Variants in TMPRSS3 observed in about 807,000 individuals in gnomAD.
TMPRSS3 encodes transmembrane serine protease 3, also known as transmembrane protease serine 3.
In TMPRSS3, 55 loss-of-function variants were observed where a neutral mutation model predicts 59.6. That is an observed-to-expected ratio of 0.92 (90% CI 0.74 to 1.16). The LOEUF (loss-of-function observed/expected upper bound fraction) is 1.16, where lower values mean the gene tolerates loss of function less well. Among genes scored for constraint, TMPRSS3 ranks in the 50% most tolerant of loss-of-function variants. TMPRSS3 has a pLI of 0.00. For missense variants in TMPRSS3, 596 were observed against 579.4 expected, an observed-to-expected ratio of 1.03 and a Z score of -0.29; for synonymous variants, 257 against 237.7, an observed-to-expected ratio of 1.08 and a Z score of -0.75.
chr21:42,379,789 G>A (rs1035361022), intron 10 of TMPRSS3, among the ~76,000 whole-genome samples: 1 of 152,150 alleles, frequency 6.6e-6, no homozygotes, highest in Non-Finnish European at 1.5e-5. Flanking sequence ...AATGAAGCCT[G>A]GGAGGGTTGT....
Position 42,386,853 on chromosome 21 carries a change from T to C in TMPRSS3, c.447-1319A>G, listed in dbSNP as rs151274285. ...ATAGGATGTAGTAGAGCAGAGAAGA[T>C]TAAAGAAGGATTTTAAGGAGAATTT... is the stretch of plus-strand genomic sequence containing the variant. On this transcript the variant is annotated intron_variant, in intron 5 of 12. Coordinates refer to ENST00000644384, the MANE Select transcript of TMPRSS3 (RefSeq NM_001256317.3). Among the ~76,000 whole-genome samples the C allele has an allele frequency of 3.8e-3, 582 of 152,100 alleles. 4 individuals carry two copies. The highest frequency in any genetic ancestry group is 0.013 in the African/African-American group (540 of 41,466).
intron 12 of TMPRSS3, among the ~76,000 whole-genome samples, chr21:42,373,434 G>A (rs948996963): frequency 1.2e-4 from 19 of 152,172 alleles, no homozygotes; most frequent in Non-Finnish European, 7.3e-5. Flanking sequence ...CGGAGCCAGC[G>A]TCACAGACGA....
chr21:42,381,385 A>G (rs2052525388), intron 9 of TMPRSS3, among the ~76,000 whole-genome samples: 1 of 152,184 alleles, frequency 6.6e-6, no homozygotes, highest in Non-Finnish European at 1.5e-5. Flanking sequence ...AAGAAATGAG[A>G]GGACTCCACC....
In TMPRSS3 at chr21:42,390,004, A is replaced by G; in HGVS notation, c.128T>C (p.Leu43Pro). Residue 43 changes from leucine to proline, a missense_variant, in exon 3 of 13, where the codon CTG becomes CCG. Transcript: ENST00000644384. Reference sequence around the variant, plus strand: ...GATTGGAAAAAACTTCAATGGCAGCAGTGACAGGATCTGTGCAGCAACAGC... The same window carrying G: ...GATTGGAAAAAACTTCAATGGCAGCGGTGACAGGATCTGTGCAGCAACAGC... The part of the protein sequence containing the change: ...ADAVAAQILS[L>P]LPLKFFPIIV... 1 of 1,614,230 alleles carries G rather than the reference A, an allele frequency of 6.2e-7. No individual in the cohort carries two copies. Among genetic ancestry groups the G allele is most frequent in the East Asian group, 2.2e-5 (1 of 44,892 alleles).
intron 9 of TMPRSS3, among the ~76,000 whole-genome samples, chr21:42,380,832 G>T (rs2146432006): frequency 6.6e-6 from 1 of 152,368 alleles, no homozygotes; most frequent in South Asian, 2.1e-4. Context: ...ACACCCTGAG[G>T]TTCCCCGAGC....
At chr21:42,380,255 G>A in intron 9 of TMPRSS3, 43 bp from the exon 10 acceptor site, 5 of 1,522,096 alleles carry the variant, frequency 3.3e-6, no homozygotes, top group Middle Eastern at 1.7e-4. Flanking sequence ...ATTGAAGCAG[G>A]AGTCCGAGAA....
intron 12 of TMPRSS3, among the ~76,000 whole-genome samples, chr21:42,374,034 G>A (rs1463602041): frequency 6.6e-6 from 1 of 152,166 alleles, no homozygotes; most frequent in African/African-American, 2.4e-5. Flanking sequence ...CCGTGTGGAG[G>A]ACCGGCTTCT....
chr21:42,391,460 C>G (rs1022423842), intron 2 of TMPRSS3, among the ~76,000 whole-genome samples: 1 of 152,000 alleles, frequency 6.6e-6, no homozygotes, highest in Admixed American at 6.6e-5. Flanking sequence ...TTGGAAGATA[C>G]AGATAGCGTC....
At chr21:42,380,249 A>T in intron 9 of TMPRSS3, 37 bp from the exon 10 acceptor site, 1 of 1,544,454 alleles carries the variant, frequency 6.5e-7, no homozygotes, top group Non-Finnish European at 8.9e-7. Flanking sequence ...AACTCAATTG[A>T]AGCAGGAGTC....
chr21:42,375,867 C>A lies in TMPRSS3; in HGVS notation c.1193G>T (p.Gly398Val), dbSNP rs763663882. 1 of 1,613,486 alleles carries A rather than the reference C, an allele frequency of 6.2e-7. No individual in the cohort carries two copies. Among genetic ancestry groups the A allele is most frequent in the Non-Finnish European group, 8.5e-7 (1 of 1,180,018 alleles). Residue 398 changes from glycine (G) to valine (V), a missense_variant and splice_region_variant, in exon 12 of 13, where the codon GGG becomes GTG. Gly to Val is a moderately radical substitution (Grantham distance 109). Transcript: ENST00000644384. ...ACACACCAGGGGCCCCCCGCTGTCC[C>A]CCTGGGTGACAGGAAAGAAGCAAAG... ...YLTGGVDSCQGDSGGPLVCQE... is the reference protein window; with the variant it reads ...YLTGGVDSCQVDSGGPLVCQE...
chr21:42,390,161 G>T (rs1051959510), intron 2 of TMPRSS3, 124 bp from the exon 3 acceptor site: 3 of 812,798 alleles, frequency 3.7e-6, no homozygotes, highest in Non-Finnish European at 2.1e-6. Context: ...CCAAAGAAAG[G>T]TGCCTTAATT....
rs546817613 is a variant in TMPRSS3, at chr21:42,389,804, A to T, written c.205+123T>A. 346 of 785,316 alleles carry T rather than the reference A, an allele frequency of 4.4e-4. 2 individuals carry two copies. The South Asian group carries it at 4.6e-3, about 10-fold the overall frequency. 48.6% of individuals were successfully genotyped at this position (785,316 alleles called of 1,614,324 possible). A position where few individuals can be genotyped will look rare whatever the true frequency, so the allele number is the denominator to read the frequency against. On this transcript the variant is annotated intron_variant, in intron 3 of 12. Transcript: ENST00000644384. The stretch of plus-strand genomic sequence containing the variant: ...AACTTCAAGTCAGCAAACCAAAAGG[A>T]TGTTTGCCTCCAGTAATTAAGGCTG...
At chr21:42,392,086 G>A (rs1056605392) in intron 2 of TMPRSS3, among the ~76,000 whole-genome samples, 3 of 152,124 alleles carry the variant, frequency 2.0e-5, no homozygotes, top group African/African-American at 7.2e-5. Context: ...GCCTGCCCAG[G>A]GTCACACAAT....
chr21:42,372,360 G>A lies in TMPRSS3; in HGVS notation c.*402C>T, dbSNP rs764929225. 5.0e-4 allele frequency: 231 copies of A among 458,828 alleles called. 2 individuals carry two copies. Among genetic ancestry groups the A allele is most frequent in the Non-Finnish European group, 9.1e-5 (21 of 230,138 alleles). The allele number at this position is 458,828 out of a possible 1,614,324, so 28.4% of individuals were successfully genotyped here. The stretch of plus-strand genomic sequence containing the variant: ...ACATCATTTGAGGTCAGGGGTTTGA[G>A]AGCAGCCTGGCCAACATGGTGAAAC... On this transcript the variant is annotated 3_prime_UTR_variant, in exon 13 of 13. Coordinates refer to ENST00000644384, the MANE Select transcript of TMPRSS3 (RefSeq NM_001256317.3).
chr21:42,387,902 T>C lies in TMPRSS3; in HGVS notation c.446+501A>G, dbSNP rs372006440. Among the ~76,000 whole-genome samples, 19 of 152,386 alleles carry C rather than the reference T, an allele frequency of 1.2e-4. No individual in the cohort carries two copies. In the East Asian group the frequency reaches 2.9e-3, roughly 23 times the overall value. ...CTAAAAAGTGAATAGTCAACTGTTA[T>C]AGTTCTTTGTTCTACATGTTGCTAA... On this transcript the variant is annotated intron_variant, in intron 5 of 12. Coordinates refer to ENST00000644384, the MANE Select transcript of TMPRSS3 (RefSeq NM_001256317.3).
intron 8 of TMPRSS3, 192 bp from the exon 9 acceptor site, chr21:42,382,426 C>T (rs917719383): frequency 8.0e-6 from 5 of 628,066 alleles, no homozygotes; most frequent in Non-Finnish European, 1.2e-5. Context: ...ACCCACACCC[C>T]ATGTGTTTCC....
intron 2 of TMPRSS3, among the ~76,000 whole-genome samples, chr21:42,394,911 G>A (rs774891221): frequency 2.6e-5 from 4 of 152,194 alleles, no homozygotes; most frequent in Non-Finnish European, 5.9e-5. Context: ...TCTGCTGCTG[G>A]ATTTTAATCT....
chr21:42,381,957 T>C, intron 9 of TMPRSS3, 108 bp downstream of exon 9: 1 of 1,384,412 alleles, frequency 7.2e-7, no homozygotes, highest in Non-Finnish European at 1.0e-6. Flanking sequence ...ATTATTAATA[T>C]CTGACAAGGA....
At chr21:42,373,026 G>A (rs1303620620) in intron 12 of TMPRSS3, among the ~76,000 whole-genome samples, 1 of 152,160 alleles carries the variant, frequency 6.6e-6, no homozygotes, top group Non-Finnish European at 1.5e-5. Flanking sequence ...CACTTCCGTA[G>A]GAAACTTCCA....
Sources: gnomAD v4.1 joint callset for allele counts (sites outside exome capture counted in the v4.1 genomes callset) on GRCh38, gnomAD v4.1.1 for gene constraint, MANE v1.5 for transcripts, NCBI Gene and HGNC (gene_info 2026-07-23, HGNC 2026-07-21) for gene names.